NECAB2: variants seen among roughly 807,000 people sequenced by gnomAD.
NECAB2 encodes N-terminal EF-hand calcium-binding protein 2.
In NECAB2, 68 loss-of-function variants were observed where a neutral mutation model predicts 51.9. The ratio of observed to expected loss-of-function variants is 1.31; its 90% CI spans 1.08 to 1.60. The LOEUF (loss-of-function observed/expected upper bound fraction) is 1.60. NECAB2 is among the 40% of genes most tolerant of loss of function. The probability of loss-of-function intolerance (pLI) is 0.00; values close to 1 mark genes in which losing one functional copy is unlikely to be tolerated. For synonymous variants in NECAB2, 329 were observed against 203.5 expected, an observed-to-expected ratio of 1.62 and a Z score of -5.25; for missense variants, 854 against 490.3, an observed-to-expected ratio of 1.74 and a Z score of -7.00.
At chr16:83,984,874 T>C (rs556137995) in intron 5 of NECAB2, among the ~76,000 whole-genome samples, 3 of 152,372 alleles carry the variant, frequency 2.0e-5, no homozygotes, top group Non-Finnish European at 4.4e-5. Flanking sequence ...TTTATTTAAA[T>C]TTCATGACAT....
At chr16:83,998,586 G>C (rs1478268719) in intron 10 of NECAB2, among the ~76,000 whole-genome samples, 2 of 152,316 alleles carry the variant, frequency 1.3e-5, no homozygotes, top group African/African-American at 4.8e-5. Flanking sequence ...GTGATCATGA[G>C]TGCATATACA....
chr16:83,991,519 A>G (rs944652687), intron 6 of NECAB2, among the ~76,000 whole-genome samples: 3 of 149,836 alleles, frequency 2.0e-5, no homozygotes, highest in Non-Finnish European at 4.4e-5. Context: ...GATGCCCACC[A>G]GCACACCCAG....
At chr16:83,972,572 T>G (rs1034297558) in intron 2 of NECAB2, among the ~76,000 whole-genome samples, 9 of 152,338 alleles carry the variant, frequency 5.9e-5, no homozygotes, top group African/African-American at 1.9e-4. Flanking sequence ...TCACAAGCCT[T>G]GGTGCAGTTC....
At chr16:83,987,112 A>G (rs974912211) in intron 5 of NECAB2, among the ~76,000 whole-genome samples, 9 of 152,232 alleles carry the variant, frequency 5.9e-5, no homozygotes, top group African/African-American at 2.2e-4. Flanking sequence ...TTTCAAATAA[A>G]TAAATGTTGG....
At position 83,990,442 on chromosome 16, in the gene NECAB2, C is replaced by A. The variant is rs902554338; in HGVS notation, c.460-52C>A. 4.2e-5 allele frequency: 67 copies of A among 1,601,252 alleles called. 1 individual carries two copies. The South Asian group carries it at 7.1e-4, about 17-fold the overall frequency. ...CAACTCCTGTGCTAGACCCCACCTCCAATTTCCCTCCCACCCCTTTCCCCT... is the reference window on the plus strand; with the variant it reads ...CAACTCCTGTGCTAGACCCCACCTCAAATTTCCCTCCCACCCCTTTCCCCT... On this transcript the variant is annotated intron_variant, in intron 5 of 12. Coordinates refer to ENST00000305202, the MANE Select transcript of NECAB2 (RefSeq NM_019065.3).
intron 12 of NECAB2, 138 bp from the exon 13 acceptor site, chr16:84,002,180 C>A (rs935646628): frequency 4.2e-6 from 5 of 1,190,472 alleles, no homozygotes; most frequent in Non-Finnish European, 6.2e-6. Context: ...TGGTTTGCAC[C>A]TGGGTGACCA....
intron 9 of NECAB2, among the ~76,000 whole-genome samples, 161 bp from the exon 10 acceptor site, chr16:83,998,044 G>T (rs1401898597): frequency 6.6e-6 from 1 of 152,090 alleles, no homozygotes; most frequent in Admixed American, 6.5e-5. Flanking sequence ...TCCTTTCTTA[G>T]CCCATTTTTA....
rs1567666383 is a variant in NECAB2 at position 83,978,503 on chromosome 16, G to C, written c.286G>C (p.Glu96Gln). The change falls in exon 3 of 13, where the codon GAG becomes CAG. Residue 96 changes from glutamate to glutamine, a missense_variant. Transcript: ENST00000305202. ...QLFFADGVLNEKELEDLFHTI... is the reference protein window; with the variant it reads ...QLFFADGVLNQKELEDLFHTI... ...CTTCTTTGCAGATGGCGTCCTTAAT[G>C]AGAAAGAACTGGAGGATCTCTTTCA... 6.2e-7 allele frequency: 1 copy of C among 1,613,936 alleles called. No individual in the cohort carries two copies. Among genetic ancestry groups the C allele is most frequent in the Non-Finnish European group, 8.5e-7 (1 of 1,179,978 alleles).
At chr16:83,972,254 G>A (rs1319310526) in intron 2 of NECAB2, 79 bp downstream of exon 2, 1 of 1,599,730 alleles carries the variant, frequency 6.3e-7, no homozygotes, top group Non-Finnish European at 8.6e-7. Flanking sequence ...AGGGATAGGA[G>A]ACAAGCGCAA....
At chr16:83,973,927 C>G (rs1201675066) in intron 2 of NECAB2, among the ~76,000 whole-genome samples, 4 of 152,086 alleles carry the variant, frequency 2.6e-5, no homozygotes, top group African/African-American at 9.7e-5. Context: ...GTGTGCAGCT[C>G]TGCAGGAGCC....
chr16:83,979,143 C>T (rs558614959), intron 3 of NECAB2, among the ~76,000 whole-genome samples: 4 of 152,200 alleles, frequency 2.6e-5, no homozygotes, highest in Non-Finnish European at 4.4e-5. Flanking sequence ...ACCCTTGACC[C>T]TTCCCAGCCT....
chr16:83,983,088 C>G (rs2084509450), intron 5 of NECAB2, among the ~76,000 whole-genome samples: 2 of 152,002 alleles, frequency 1.3e-5, no homozygotes, highest in African/African-American at 4.8e-5. Flanking sequence ...AGGCTGGTCT[C>G]AAAGTCCTGA....
chr16:83,997,209 G>A lies in NECAB2; in HGVS notation c.796-7G>A. ...GTCTAGCATCACTGTGTGCTGGATTGTTTCAGGCACTGTGGTTCGACCTGC... is the reference window on the plus strand; with the variant it reads ...GTCTAGCATCACTGTGTGCTGGATTATTTCAGGCACTGTGGTTCGACCTGC... On this transcript the variant is annotated splice_region_variant and splice_polypyrimidine_tract_variant and intron_variant, in intron 8 of 12. Transcript: ENST00000305202. 1 of 1,614,138 alleles carries A rather than the reference G, an allele frequency of 6.2e-7. No individual in the cohort carries two copies. The highest frequency in any genetic ancestry group is 2.2e-5 in the East Asian group (1 of 44,874).
intron 10 of NECAB2, among the ~76,000 whole-genome samples, chr16:84,000,454 G>A (rs778045754): frequency 6.6e-6 from 1 of 152,194 alleles, no homozygotes; most frequent in East Asian, 1.9e-4. Context: ...CTGCACTCCA[G>A]CCTGGGCAAC....
chr16:83,998,950 C>G (rs2084765240), intron 10 of NECAB2, among the ~76,000 whole-genome samples: 2 of 152,162 alleles, frequency 1.3e-5, no homozygotes, highest in South Asian at 2.1e-4. Context: ...GACAACAGCC[C>G]TTTGTTCTTG....
At chr16:83,995,944 A>C (rs912233936) in intron 8 of NECAB2, among the ~76,000 whole-genome samples, 1 of 152,214 alleles carries the variant, frequency 6.6e-6, no homozygotes, top group Non-Finnish European at 1.5e-5. Context: ...TTTTTAGAGC[A>C]CCGTCGCCCT....
At chr16:83,969,171 A>T (rs1220393908) in intron 1 of NECAB2, among the ~76,000 whole-genome samples, 1 of 127,128 alleles carries the variant, frequency 7.9e-6, no homozygotes, top group South Asian at 2.7e-4. Flanking sequence ...TCCAAGCCAA[A>T]CCCCCACCCT....
chr16:83,965,734 T>G, upstream of NECAB2: 1 of 1,613,648 alleles, frequency 6.2e-7, no homozygotes, highest in Non-Finnish European at 8.5e-7. Flanking sequence ...AGAAGGTGTT[T>G]GGGGTCTCCC....
At chr16:83,985,881 C>G (rs2084546583) in intron 5 of NECAB2, among the ~76,000 whole-genome samples, 2 of 152,048 alleles carry the variant, frequency 1.3e-5, no homozygotes, top group Admixed American at 1.3e-4. Flanking sequence ...GTGGATTGTG[C>G]TTGCAGAATT....
Sources: allele counts gnomAD v4.1 joint callset (sites outside exome capture counted in the v4.1 genomes callset), GRCh38; gene constraint gnomAD v4.1.1; transcripts MANE v1.5; gene names NCBI Gene and HGNC (gene_info 2026-07-23, HGNC 2026-07-21).